Variants in KLHL18 observed in about 807,000 individuals in gnomAD.
KLHL18 encodes the protein kelch-like protein 18.
Under a neutral mutation model 58.5 loss-of-function variants are expected in KLHL18, and 38 were observed. That is an observed-to-expected ratio of 0.65 (90% CI 0.50 to 0.85). The LOEUF (loss-of-function observed/expected upper bound fraction) is 0.85. Ranked by LOEUF, KLHL18 falls within the 40% of genes least tolerant of loss-of-function variation. The probability of loss-of-function intolerance (pLI) is 0.00; values close to 1 mark genes in which losing one functional copy is unlikely to be tolerated. For synonymous variants in KLHL18, 303 were observed against 301.9 expected, an observed-to-expected ratio of 1.00 and a Z score of -0.04; for missense variants, 624 against 778.4, an observed-to-expected ratio of 0.80 and a Z score of 2.36.
chr3:47,303,991 A>C (rs1237127120), intron 1 of KLHL18, among the ~76,000 whole-genome samples: 1 of 152,092 alleles, frequency 6.6e-6, no homozygotes, highest in Non-Finnish European at 1.5e-5. Flanking sequence ...AGCCTCCCAA[A>C]GTTCAACTTT....
At chr3:47,308,741 CCT>C (rs1703209567) in intron 1 of KLHL18, among the ~76,000 whole-genome samples, 1 of 152,054 alleles carries the variant, frequency 6.6e-6, no homozygotes, top group Non-Finnish European at 1.5e-5. Flanking sequence ...CTCCCTCCCT[CCT>C]CTCATCGTCC....
At chr3:47,307,316 G>T (rs1187596394) in intron 1 of KLHL18, among the ~76,000 whole-genome samples, 2 of 152,042 alleles carry the variant, frequency 1.3e-5, no homozygotes, top group African/African-American at 2.4e-5. Flanking sequence ...CAAGTGATCT[G>T]CCCACCTCAG....
At position 47,344,637 on chromosome 3, in the gene KLHL18, A is replaced by C. The variant is rs1341972720; in HGVS notation, c.*696A>C. ...GAAACTGAAGGAAATTTAAACAAAGAAACACTTGAAAGAAACTGGAAAGAA... is the reference window on the plus strand; with the variant it reads ...GAAACTGAAGGAAATTTAAACAAAGCAACACTTGAAAGAAACTGGAAAGAA... On this transcript the variant is annotated 3_prime_UTR_variant, in exon 10 of 10. Coordinates refer to ENST00000232766, the MANE Select transcript of KLHL18 (RefSeq NM_025010.5). The C allele has an allele frequency of 6.5e-6, 1 of 152,676 alleles. No individual in the cohort carries two copies. The highest frequency in any genetic ancestry group is 2.4e-5 in the African/African-American group (1 of 41,470). 9.5% of individuals were successfully genotyped at this position (152,676 alleles called of 1,614,324 possible).
Position 47,322,565 on chromosome 3 carries a change from T to C in KLHL18, c.261-3T>C. On this transcript the variant is annotated splice_region_variant and splice_polypyrimidine_tract_variant and intron_variant, in intron 2 of 9. Transcript: ENST00000232766. ...ACCTCACAGCTTTCCCTCTTTCCTC[T>C]AGTGCCCTGGAGGCTCTGATCAACT... is the stretch of plus-strand genomic sequence containing the variant. 1 of 1,594,202 alleles carries C rather than the reference T, an allele frequency of 6.3e-7. No individual in the cohort carries two copies. The highest frequency in any genetic ancestry group is 1.1e-5 in the South Asian group (1 of 87,346).
intron 1 of KLHL18, among the ~76,000 whole-genome samples, chr3:47,288,408 C>T (rs1480857814): frequency 6.6e-6 from 1 of 152,140 alleles, no homozygotes; most frequent in Non-Finnish European, 1.5e-5. Context: ...TCATGCTCTC[C>T]TGTTGCATCT....
chr3:47,322,785 T>C lies in KLHL18; in HGVS notation c.401+77T>C, dbSNP rs1703619409. 8 of 1,414,104 alleles carry C rather than the reference T, an allele frequency of 5.7e-6. No individual in the cohort carries two copies. In the South Asian group the frequency reaches 1.1e-4, roughly 19 times the overall value. 87.6% of individuals were successfully genotyped at this position (1,414,104 alleles called of 1,614,324 possible). ...ATCTTCTGCCAGTTTGCTGAGTTCT[T>C]GGGACCATATATAGGTTTATGAAGG... On this transcript the variant is annotated intron_variant, in intron 3 of 9. Transcript: ENST00000232766.
At chr3:47,316,922 G>A (rs999665273) in intron 1 of KLHL18, among the ~76,000 whole-genome samples, 7 of 151,502 alleles carry the variant, frequency 4.6e-5, no homozygotes, top group Non-Finnish European at 7.4e-5. Context: ...CAGCCTGGGG[G>A]ACAGAGTAAG....
intron 7 of KLHL18, among the ~76,000 whole-genome samples, chr3:47,339,609 G>A (rs1704063410): frequency 6.6e-6 from 1 of 152,196 alleles, no homozygotes; most frequent in South Asian, 2.1e-4. Context: ...TGCACATGAT[G>A]AAAACAACAT....
chr3:47,335,481 C>T (rs1030298600), intron 6 of KLHL18, among the ~76,000 whole-genome samples: 7 of 152,072 alleles, frequency 4.6e-5, no homozygotes, highest in Admixed American at 6.6e-5. Context: ...GGTGGGCACT[C>T]CCAGGCAGTT....
At chr3:47,317,297 A>G (rs892918816) in intron 1 of KLHL18, among the ~76,000 whole-genome samples, 1 of 152,112 alleles carries the variant, frequency 6.6e-6, no homozygotes, top group African/African-American at 2.4e-5. Context: ...CATTTTTAGT[A>G]GAGACGGGGT....
chr3:47,343,057 G>A (rs1704144799), intron 9 of KLHL18, among the ~76,000 whole-genome samples: 1 of 152,180 alleles, frequency 6.6e-6, no homozygotes, highest in African/African-American at 2.4e-5. Flanking sequence ...CCACCACCCT[G>A]TTCTACTGTC....
chr3:47,320,791 C>T (rs1421586101), intron 2 of KLHL18, among the ~76,000 whole-genome samples: 2 of 152,082 alleles, frequency 1.3e-5, no homozygotes, highest in African/African-American at 4.8e-5. Context: ...TGGTGGTGCA[C>T]ACCTGTAGTC....
At chr3:47,339,947 C>T (rs1704072394) in intron 7 of KLHL18, among the ~76,000 whole-genome samples, 1 of 152,064 alleles carries the variant, frequency 6.6e-6, no homozygotes, top group African/African-American at 2.4e-5. Flanking sequence ...ACTTGGGAGG[C>T]TGAAGTGCAG....
intron 1 of KLHL18, among the ~76,000 whole-genome samples, chr3:47,305,808 T>C (rs1312173332): frequency 6.6e-6 from 1 of 152,176 alleles, no homozygotes; most frequent in Non-Finnish European, 1.5e-5. Flanking sequence ...TTTTCAATTA[T>C]TCCCCCATCT....
At chr3:47,298,947 G>C (rs1453239647) in intron 1 of KLHL18, among the ~76,000 whole-genome samples, 1 of 152,086 alleles carries the variant, frequency 6.6e-6, no homozygotes, top group Non-Finnish European at 1.5e-5. Flanking sequence ...AACCATCGAA[G>C]GACATTTTTC....
rs967876480 is a variant in KLHL18 at position 47,326,931 on chromosome 3, GAAAA to G, written c.402-3012_402-3009del. On this transcript the variant is annotated intron_variant, in intron 3 of 9. Coordinates refer to ENST00000232766, the MANE Select transcript of KLHL18 (RefSeq NM_025010.5). ...AGCGAAGCTACATCTCAAAAAAAAAGAAAAAAAAAAAGGAAGGTGTGTTTTGGCC... is the reference window on the plus strand; with the variant it reads ...AGCGAAGCTACATCTCAAAAAAAAAGAAAAAAAGGAAGGTGTGTTTTGGCC... Among the ~76,000 whole-genome samples, 4 of 138,948 alleles carry G rather than the reference GAAAA, an allele frequency of 2.9e-5. No homozygotes were observed. The South Asian group carries it at 9.2e-4, about 32-fold the overall frequency. 91.2% of individuals were successfully genotyped at this position (138,948 alleles called of 152,430 possible). A position where few individuals can be genotyped will look rare whatever the true frequency, so the allele number is the denominator to read the frequency against.
intron 4 of KLHL18, among the ~76,000 whole-genome samples, chr3:47,331,034 G>C (rs1703846468): frequency 6.6e-6 from 1 of 151,512 alleles, no homozygotes; most frequent in Admixed American, 6.6e-5. Flanking sequence ...GCCCGGCCTA[G>C]TATAGATAAC....
intron 1 of KLHL18, 76 bp from the exon 2 acceptor site, chr3:47,319,577 A>G: frequency 6.6e-7 from 1 of 1,517,804 alleles, no homozygotes; most frequent in Admixed American, 1.8e-5. Context: ...GCGGAGGGGC[A>G]GGGTGGGTTT....
intron 1 of KLHL18, among the ~76,000 whole-genome samples, chr3:47,311,280 T>C (rs1263398060): frequency 2.0e-5 from 3 of 152,156 alleles, no homozygotes; most frequent in African/African-American, 7.2e-5. Context: ...AATTCTTGAG[T>C]GTCCCATCTA....
Sources: allele counts gnomAD v4.1 joint callset (sites outside exome capture counted in the v4.1 genomes callset), GRCh38; gene constraint gnomAD v4.1.1; transcripts MANE v1.5; gene names NCBI Gene and HGNC (gene_info 2026-07-23, HGNC 2026-07-21).